Variants in LRBA observed in about 807,000 individuals in gnomAD.
LRBA encodes the protein LPS responsive beige-like anchor protein.
LRBA carries 176 observed loss-of-function variants against 330.0 expected under a neutral mutation model. The ratio of observed to expected loss-of-function variants is 0.53; its 90% confidence interval spans 0.47 to 0.60. The LOEUF is 0.60. Ranked by LOEUF, LRBA falls within the 20% of genes least tolerant of loss-of-function variation. The probability of loss-of-function intolerance (pLI) is 0.00; values close to 1 mark genes in which losing one functional copy is unlikely to be tolerated. For synonymous variants in LRBA, 1,230 were observed against 1,193.0 expected (o/e 1.03, Z -0.64); for missense variants, 3,259 against 3,444.8 (o/e 0.95, Z 1.35).
At chr4:150,598,476 A>T (rs1207556727) in intron 38 of LRBA, among the ~76,000 whole-genome samples, 2 of 152,198 alleles carry the variant, frequency 1.3e-5, no homozygotes, top group African/African-American at 2.4e-5. Context: ...GTATGAAAAT[A>T]ATGTTTATTC....
At chr4:150,783,368 G>C (rs9997773) in intron 34 of LRBA, among the ~76,000 whole-genome samples, 104,930 of 152,120 alleles carry the variant, frequency 0.69, 42,027 homozygotes, top group Non-Finnish European at 0.9. Context: ...AGACAAGTCT[G>C]AAAGATCAAG....
Position 150,657,385 on chromosome 4 carries a change from A to C in LRBA, c.5921+26166T>G, listed in dbSNP as rs74679506. On this transcript the variant is annotated intron_variant, in intron 37 of 56. Transcript: ENST00000651943. Reference sequence around the variant, plus strand: ...GGGTTACCATTTTAATATCAACATGACTTGTTTCTTACATGTGTAAGCATT... The same window carrying C: ...GGGTTACCATTTTAATATCAACATGCCTTGTTTCTTACATGTGTAAGCATT... Among the ~76,000 whole-genome samples, 950 of 152,250 alleles carry C rather than the reference A, an allele frequency of 6.2e-3. 5 individuals are homozygous for C. The highest frequency in any genetic ancestry group is 0.01 in the Non-Finnish European group (702 of 67,976).
rs1561051659 is a variant in LRBA, at chr4:150,350,167, A to AAGGT, written c.7195-12_7195-9dup. 3 of 1,550,060 alleles carry AAGGT rather than the reference A, an allele frequency of 1.9e-6. No homozygotes were observed. In the East Asian group the frequency reaches 7.1e-5, roughly 36 times the overall value. On this transcript the variant is annotated splice_polypyrimidine_tract_variant and intron_variant, in intron 47 of 56. Coordinates refer to ENST00000651943, the MANE Select transcript of LRBA (RefSeq NM_001364905.1). ...AAATTCACTCTCCAGGGCCTGAAAA[A>AAGGT]AGGTATACATTGTATTACTATGCTG... is the stretch of plus-strand genomic sequence containing the variant.
chr4:150,959,142 T>C (rs1335051013), intron 2 of LRBA, among the ~76,000 whole-genome samples: 2 of 149,424 alleles, frequency 1.3e-5, no homozygotes, highest in Non-Finnish European at 2.9e-5. Flanking sequence ...CAGTTCTACA[T>C]GCCTGGAGAG....
chr4:150,489,298 T>TATATTACATATAAGAATATATAAA (rs1561250641), intron 41 of LRBA, among the ~76,000 whole-genome samples: 2 of 99,794 alleles, frequency 2.0e-5, no homozygotes, highest in East Asian at 3.1e-4. Context: ...GAATATATAA[T>TATATTACATATAAGAATATATAAA]ATATTATATA....
intron 40 of LRBA, among the ~76,000 whole-genome samples, chr4:150,525,407 C>T (rs1337012418): frequency 6.6e-6 from 1 of 151,834 alleles, no homozygotes; most frequent in African/African-American, 2.4e-5. Flanking sequence ...TCTATAATAC[C>T]TATTGAAATA....
chr4:150,557,069 T>TTA (rs1767419589), intron 40 of LRBA, among the ~76,000 whole-genome samples: 1 of 152,186 alleles, frequency 6.6e-6, no homozygotes, highest in South Asian at 2.1e-4. Flanking sequence ...TAATAGCTGA[T>TTA]TCTAGAGCTG....
At chr4:150,352,381 T>C (rs983316893) in intron 47 of LRBA, among the ~76,000 whole-genome samples, 1 of 152,204 alleles carries the variant, frequency 6.6e-6, no homozygotes, top group Non-Finnish European at 1.5e-5. Flanking sequence ...ATATTTAACA[T>C]AGCTTTATGA....
At chr4:150,970,853 T>C (rs1285057467) in intron 2 of LRBA, 1 of 152,060 alleles carries the variant, frequency 6.6e-6, no homozygotes, top group African/African-American at 2.4e-5. Context: ...AAAACTGCAT[T>C]TGGTGAGCAC....
At chr4:150,832,498 A>C (rs1747354519) in intron 28 of LRBA, among the ~76,000 whole-genome samples, 1 of 152,152 alleles carries the variant, frequency 6.6e-6, no homozygotes, top group Non-Finnish European at 1.5e-5. Flanking sequence ...CAGGAGCCTG[A>C]GGTGGGAGAA....
At chr4:150,485,959 C>A (rs1288778165) in intron 42 of LRBA, among the ~76,000 whole-genome samples, 4 of 151,650 alleles carry the variant, frequency 2.6e-5, no homozygotes, top group South Asian at 2.1e-4. Flanking sequence ...GAGATGTGGC[C>A]AAAGTGTACA....
Position 150,852,319 on chromosome 4 carries a change from C to G in LRBA, c.3391G>C (p.Asp1131His), listed in dbSNP as rs1750711204. The G allele has an allele frequency of 6.2e-7, 1 of 1,613,914 alleles. No homozygotes were observed. Among genetic ancestry groups the G allele is most frequent in the Admixed American group, 1.7e-5 (1 of 60,000 alleles). Residue 1131 changes from aspartate to histidine, a missense_variant, in exon 23 of 57, where the codon GAT becomes CAT. Transcript: ENST00000651943. Reference protein sequence around the residue: ...EEANLPTELQDNSLSPAASEA... With the variant: ...EEANLPTELQHNSLSPAASEA... ...GATGCAGCTGGAGACAAACTGTTATCTTGGAGCTCTGTGGGTAGATTAGCT... is the reference window on the plus strand; with the variant it reads ...GATGCAGCTGGAGACAAACTGTTATGTTGGAGCTCTGTGGGTAGATTAGCT...
intron 4 of LRBA, among the ~76,000 whole-genome samples, chr4:150,925,031 ATGG>A (rs1733735228): frequency 6.6e-6 from 1 of 152,000 alleles, no homozygotes; most frequent in African/African-American, 2.4e-5. Context: ...TTAGCCTGGC[ATGG>A]TGGCACATGT....
At chr4:150,292,786 G>A (rs1242264296) in intron 53 of LRBA, among the ~76,000 whole-genome samples, 3 of 152,086 alleles carry the variant, frequency 2.0e-5, no homozygotes, top group South Asian at 4.1e-4. Context: ...CTATAAACCT[G>A]CAAATTATAA....
intron 41 of LRBA, among the ~76,000 whole-genome samples, chr4:150,488,825 T>C (rs1474205750): frequency 7.0e-6 from 1 of 141,874 alleles, no homozygotes; most frequent in Non-Finnish European, 1.5e-5. Flanking sequence ...TTTCAGGTAT[T>C]CAGGTAAATA....
intron 46 of LRBA, among the ~76,000 whole-genome samples, chr4:150,419,238 G>A (rs1482682729): frequency 3.3e-5 from 5 of 152,210 alleles, no homozygotes; most frequent in African/African-American, 9.6e-5. Flanking sequence ...CCCCATGCAT[G>A]GTGCACATAG....
intron 55 of LRBA, among the ~76,000 whole-genome samples, chr4:150,278,968 G>T (rs1210810547): frequency 1.1e-4 from 17 of 151,978 alleles, no homozygotes; most frequent in Non-Finnish European, 1.5e-5. Context: ...GGGATTACAG[G>T]TGCCCACCAC....
At chr4:150,540,487 C>T (rs991946961) in intron 40 of LRBA, among the ~76,000 whole-genome samples, 1 of 152,084 alleles carries the variant, frequency 6.6e-6, no homozygotes, top group Non-Finnish European at 1.5e-5. Context: ...GAGCCACCAG[C>T]GCCCAGCCAA....
intron 44 of LRBA, among the ~76,000 whole-genome samples, chr4:150,439,737 A>T (rs1751575572): frequency 6.6e-6 from 1 of 152,180 alleles, no homozygotes. Context: ...AACCATCCTA[A>T]CAATAGATCT....
Sources: allele counts gnomAD v4.1 joint callset (sites outside exome capture counted in the v4.1 genomes callset), GRCh38; gene constraint gnomAD v4.1.1; transcripts MANE v1.5; gene names NCBI Gene and HGNC (gene_info 2026-07-23, HGNC 2026-07-21).